Variants in FAM13A observed in about 807,000 individuals in gnomAD.
FAM13A encodes the protein protein FAM13A.
In FAM13A, 76 loss-of-function variants were observed where a neutral mutation model predicts 129.6. The ratio of observed to expected loss-of-function variants is 0.59; its 90% confidence interval spans 0.49 to 0.71. The LOEUF (loss-of-function observed/expected upper bound fraction) is 0.71. FAM13A is among the 30% of genes least tolerant of loss of function. The pLI is 0.00. For missense variants in FAM13A, 1,108 were observed against 1,249.3 expected, an observed-to-expected ratio of 0.89 and a Z score of 1.70; for synonymous variants, 443 against 449.9, an observed-to-expected ratio of 0.98 and a Z score of 0.20.
Position 89,034,256 on chromosome 4 carries a change from T to C in FAM13A, c.28-4607A>G, listed in dbSNP as rs563244351. ...ACAAGAATAAAATAAATAACCCCAT[T>C]AAAAATGAGCAGAGGACAAGAACAG... On this transcript the variant is annotated intron_variant, in intron 1 of 23. Coordinates refer to ENST00000264344, the MANE Select transcript of FAM13A (RefSeq NM_014883.4). 2.0e-4 allele frequency among the ~76,000 whole-genome samples: 30 copies of C among 151,986 alleles called. No individual in the cohort carries two copies. In the South Asian group the frequency reaches 4.8e-3, roughly 24 times the overall value.
chr4:89,015,765 T>TTA (rs1470699850), intron 3 of FAM13A, among the ~76,000 whole-genome samples: 2 of 151,942 alleles, frequency 1.3e-5, no homozygotes, highest in African/African-American at 2.4e-5. Flanking sequence ...TGTATGAAGT[T>TTA]TATATATATA....
rs1732565998 is a variant in FAM13A at position 88,824,023 on chromosome 4, C to T, written c.1008-18971G>A. 2.6e-5 allele frequency among the ~76,000 whole-genome samples: 4 copies of T among 151,864 alleles called. No homozygotes were observed. The South Asian group carries it at 8.3e-4, about 31-fold the overall frequency. ...TATTTTTATTTTTTTTTATAGGTAA[C>T]ACAAAATCAGTTTTTCCATAAAGTC... On this transcript the variant is annotated intron_variant, in intron 7 of 23. Coordinates refer to ENST00000264344, the MANE Select transcript of FAM13A (RefSeq NM_014883.4).
chr4:88,912,594 CACACA>C (rs771306196), intron 5 of FAM13A, among the ~76,000 whole-genome samples: 1 of 151,874 alleles, frequency 6.6e-6, no homozygotes, highest in Non-Finnish European at 1.5e-5. Flanking sequence ...CACACACACA[CACACA>C]CACACCTCCT....
At chr4:88,821,727 C>T (rs1278718749) in intron 7 of FAM13A, among the ~76,000 whole-genome samples, 10 of 152,128 alleles carry the variant, frequency 6.6e-5, no homozygotes. Context: ...AAGCTTTAAG[C>T]ATGTGGACAT....
At chr4:89,032,710 A>T (rs1307915783) in intron 1 of FAM13A, among the ~76,000 whole-genome samples, 1 of 152,206 alleles carries the variant, frequency 6.6e-6, no homozygotes, top group African/African-American at 2.4e-5. Flanking sequence ...GGGGACACTT[A>T]GTCTCCACTT....
rs577603243 is a variant in FAM13A, at chr4:89,043,850, T to C, written c.27+13088A>G. 5.9e-5 allele frequency among the ~76,000 whole-genome samples: 9 copies of C among 152,058 alleles called. No individual in the cohort carries two copies. In the South Asian group the frequency reaches 6.2e-4, roughly 11 times the overall value. Reference sequence around the variant, plus strand: ...ACTTTGAGAGACTGAGGCAGGAGGATTGCTTGAGTCCAGAAGTTCAAGACA... The same window carrying C: ...ACTTTGAGAGACTGAGGCAGGAGGACTGCTTGAGTCCAGAAGTTCAAGACA... On this transcript the variant is annotated intron_variant, in intron 1 of 23. Coordinates refer to ENST00000264344, the MANE Select transcript of FAM13A (RefSeq NM_014883.4).
At chr4:89,013,365 C>A (rs1766001239) in intron 3 of FAM13A, among the ~76,000 whole-genome samples, 1 of 150,312 alleles carries the variant, frequency 6.7e-6, no homozygotes, top group Middle Eastern at 3.5e-3. Context: ...AACACAGTAA[C>A]CCTTTTTACC....
intron 1 of FAM13A, among the ~76,000 whole-genome samples, chr4:89,045,246 T>C (rs1378130954): frequency 4.6e-5 from 7 of 151,936 alleles, no homozygotes; most frequent in Admixed American, 4.6e-4. Flanking sequence ...GGAAAAAACA[T>C]TTCAGAAGTG....
intron 8 of FAM13A, 100 bp downstream of exon 8, chr4:88,804,911 G>C (rs1728252497): frequency 2.8e-6 from 2 of 716,080 alleles, no homozygotes; most frequent in Non-Finnish European, 4.9e-6. Flanking sequence ...CCACAGTAAT[G>C]AATGTTCTAT....
chr4:88,979,031 G>A (rs7660885), intron 4 of FAM13A, among the ~76,000 whole-genome samples: 79,051 of 151,928 alleles, frequency 0.52, 20,662 homozygotes, highest in Middle Eastern at 0.62. Context: ...TAAAAAAGAC[G>A]AGCACCAGCT....
At chr4:89,027,314 C>G (rs934019743) in intron 2 of FAM13A, among the ~76,000 whole-genome samples, 1 of 152,078 alleles carries the variant, frequency 6.6e-6, no homozygotes, top group Non-Finnish European at 1.5e-5. Context: ...TTCAAACCAG[C>G]CTGGACAACA....
intron 23 of FAM13A, 41 bp downstream of exon 23, chr4:88,731,286 G>T: frequency 8.9e-7 from 1 of 1,122,720 alleles, no homozygotes; most frequent in Non-Finnish European, 1.3e-6. Context: ...TGTGTGTGGT[G>T]CGGCGGGGGG....
chr4:88,953,837 T>C (rs1757324900), intron 4 of FAM13A, among the ~76,000 whole-genome samples: 1 of 152,250 alleles, frequency 6.6e-6, no homozygotes, highest in Non-Finnish European at 1.5e-5. Context: ...CCTAATTTGT[T>C]TGTCTATTCA....
At position 88,758,099 on chromosome 4, in the gene FAM13A, C is replaced by T. The variant is rs1744057520; in HGVS notation, c.1726+655G>A. Among the ~76,000 whole-genome samples, 3 of 152,146 alleles carry T rather than the reference C, an allele frequency of 2.0e-5. No homozygotes were observed. The South Asian group carries it at 6.2e-4, about 32-fold the overall frequency. ...TTGATAAAACTGCTGCAATATCCTCCCTGAAACACAATTTTGACAAGGCTA... is the reference window on the plus strand; with the variant it reads ...TTGATAAAACTGCTGCAATATCCTCTCTGAAACACAATTTTGACAAGGCTA... On this transcript the variant is annotated intron_variant, in intron 14 of 23. Transcript: ENST00000264344.
intron 5 of FAM13A, among the ~76,000 whole-genome samples, chr4:88,910,449 A>G (rs1337067031): frequency 6.6e-6 from 1 of 152,092 alleles, no homozygotes; most frequent in Non-Finnish European, 1.5e-5. Context: ...CTACTTCCAC[A>G]GCTCTTTTAA....
intron 4 of FAM13A, among the ~76,000 whole-genome samples, chr4:88,943,180 A>T (rs894175120): frequency 6.6e-6 from 1 of 152,234 alleles, no homozygotes. Context: ...TATTTTTGAC[A>T]AACTTCCCAA....
At chr4:88,876,934 T>C (rs1257277962) in intron 6 of FAM13A, among the ~76,000 whole-genome samples, 1 of 152,226 alleles carries the variant, frequency 6.6e-6, no homozygotes, top group Non-Finnish European at 1.5e-5. Context: ...ATTTTTAAAA[T>C]ATAATTAATT....
chr4:88,826,122 C>T (rs1732939219), intron 7 of FAM13A, among the ~76,000 whole-genome samples: 1 of 152,078 alleles, frequency 6.6e-6, no homozygotes, highest in African/African-American at 2.4e-5. Flanking sequence ...TTTTCAAACA[C>T]GGTATTTCAA....
intron 5 of FAM13A, among the ~76,000 whole-genome samples, chr4:88,930,527 T>C (rs1337878543): frequency 1.3e-5 from 2 of 152,172 alleles, no homozygotes; most frequent in African/African-American, 4.8e-5. Flanking sequence ...GAAGCTTTGC[T>C]GGGGACTTGG....
Sources: allele counts gnomAD v4.1 joint callset (sites outside exome capture counted in the v4.1 genomes callset), GRCh38; gene constraint gnomAD v4.1.1; transcripts MANE v1.5; gene names NCBI Gene and HGNC (gene_info 2026-07-23, HGNC 2026-07-21).